SLC35F6: variants seen among roughly 807,000 people sequenced by gnomAD.
SLC35F6 encodes the protein ANT2-binding protein.
A neutral mutation model predicts 29.4 loss-of-function variants in SLC35F6; 26 were observed. The observed-to-expected ratio is 0.89, with a 90% CI of 0.65 to 1.23. The LOEUF (loss-of-function observed/expected upper bound fraction) is 1.23, where lower values mean the gene tolerates loss of function less well. SLC35F6 is among the 50% of genes most tolerant of loss of function. The pLI, the probability that SLC35F6 is intolerant of heterozygous loss-of-function variation, is 0.00. For missense variants in SLC35F6, 428 were observed against 487.8 expected (o/e 0.88, Z 1.15); for synonymous variants, 174 against 206.6 (o/e 0.84, Z 1.35).
intron 1 of SLC35F6, among the ~76,000 whole-genome samples, chr2:26,770,524 C>A (rs1042464564): frequency 3.9e-5 from 6 of 152,092 alleles, no homozygotes; most frequent in Non-Finnish European, 7.4e-5. Context: ...TCGAGACCAT[C>A]CTGGCCAACA....
intron 5 of SLC35F6, among the ~76,000 whole-genome samples, chr2:26,776,708 G>C (rs1283408000): frequency 6.6e-6 from 1 of 152,214 alleles, no homozygotes; most frequent in African/African-American, 2.4e-5. Context: ...GTGACCAGCA[G>C]GAAGAAAGGG....
In SLC35F6 at chr2:26,778,567, C is replaced by A; in HGVS notation, c.*56C>A. ...GTGCTCCTTCTCCCTGAGACTGAGG[C>A]CACACAGGCTGGTGGGCCCCGAATG... On this transcript the variant is annotated 3_prime_UTR_variant, in exon 6 of 6. Transcript: ENST00000344420. 2 of 1,474,064 alleles carry A rather than the reference C, an allele frequency of 1.4e-6. No homozygotes were observed. Among genetic ancestry groups the A allele is most frequent in the Admixed American group, 2.3e-5 (1 of 43,910 alleles). The allele number at this position is 1,474,064 out of a possible 1,614,324, so 91.3% of individuals were successfully genotyped here.
intron 1 of SLC35F6, chr2:26,764,978 T>C: frequency 1.0e-6 from 1 of 985,476 alleles, no homozygotes. Context: ...AAGTCGATTG[T>C]AACCAGCATC....
chr2:26,765,331 G>A (rs1396593419), intron 1 of SLC35F6, among the ~76,000 whole-genome samples: 2 of 149,364 alleles, frequency 1.3e-5, no homozygotes, highest in Non-Finnish European at 3.0e-5. Flanking sequence ...GTATGGGGGT[G>A]AGAGGGGGGA....
chr2:26,778,267 C>A lies in SLC35F6; in HGVS notation c.872C>A (p.Thr291Asn), dbSNP rs1301824868. 6.2e-7 allele frequency: 1 copy of A among 1,614,074 alleles called. No homozygotes were observed. The highest frequency in any genetic ancestry group is 1.3e-5 in the African/African-American group (1 of 74,920). Reference sequence around the variant, plus strand: ...GTCACCAAGGAACTGAGCGCCACCACCCGCATGGTGTTGGACAGCTTGCGC... The same window carrying A: ...GTCACCAAGGAACTGAGCGCCACCAACCGCATGGTGTTGGACAGCTTGCGC... ...ISVTKELSATTRMVLDSLRTV... is the reference protein window; with the variant it reads ...ISVTKELSATNRMVLDSLRTV... Residue 291 changes from threonine to asparagine, a missense_variant, in exon 6 of 6, where the codon ACC becomes AAC. Thr to Asn is a moderately conservative substitution (Grantham distance 65). Transcript: ENST00000344420.
chr2:26,777,157 C>T (rs1392731250), intron 5 of SLC35F6, among the ~76,000 whole-genome samples: 1 of 152,222 alleles, frequency 6.6e-6, no homozygotes, highest in Non-Finnish European at 1.5e-5. Context: ...CGAGATTGCG[C>T]CACCGCACTC....
chr2:26,780,498 T>A lies in SLC35F6; in HGVS notation c.*1987T>A, dbSNP rs557615046. ...TATCCTGGGCGTTGCGTTAAGTTGC[T>A]TAACTTTCATTCTGTCTTACGATAG... On this transcript the variant is annotated 3_prime_UTR_variant, in exon 6 of 6. Transcript: ENST00000344420. 6.6e-6 allele frequency: 1 copy of A among 152,226 alleles called. No homozygotes were observed. 9.4% of individuals were successfully genotyped at this position (152,226 alleles called of 1,614,324 possible).
At chr2:26,764,681 A>G (rs1664062474) in intron 1 of SLC35F6, 2 of 638,590 alleles carry the variant, frequency 3.1e-6, no homozygotes, top group Middle Eastern at 8.0e-4. Flanking sequence ...GTCTTTTAAC[A>G]GGAGGGTTGG....
At chr2:26,764,831 G>A (rs1204533143) in intron 1 of SLC35F6, 1 of 985,270 alleles carries the variant, frequency 1.0e-6, no homozygotes, top group Non-Finnish European at 1.2e-6. Context: ...GAGCGTGGAG[G>A]CCTCAAGCGG....
intron 1 of SLC35F6, chr2:26,764,952 C>T (rs1664070997): frequency 3.0e-6 from 3 of 985,418 alleles, no homozygotes; most frequent in South Asian, 9.4e-5. Context: ...GGAAAGTCTA[C>T]GGAAAGGCCA....
chr2:26,775,768 C>T lies in SLC35F6; in HGVS notation c.535+92C>T. The T allele has an allele frequency of 7.3e-7, 1 of 1,377,340 alleles. No individual in the cohort carries two copies. Among genetic ancestry groups the T allele is most frequent in the Non-Finnish European group, 9.6e-7 (1 of 1,036,790 alleles). 85.3% of individuals were successfully genotyped at this position (1,377,340 alleles called of 1,614,324 possible). A position where few individuals can be genotyped will look rare whatever the true frequency, so the allele number is the denominator to read the frequency against. ...GACTCATACAAGCTCTGCCATGTGC[C>T]ATATACCAAGCCCTGGGTGAGGTGG... On this transcript the variant is annotated intron_variant, in intron 4 of 5. Transcript: ENST00000344420. This position sits in a 1 kb window ranked among gnomAD's most constrained non-coding sequence, Gnocchi z 4.6.
At chr2:26,765,140 A>G (rs1664074733) in intron 1 of SLC35F6, 1 of 422,756 alleles carries the variant, frequency 2.4e-6, no homozygotes, top group African/African-American at 2.2e-5. Flanking sequence ...AGATGAGGGG[A>G]ACTAGGAGGT....
chr2:26,772,069 CT>C (rs1664206554), intron 1 of SLC35F6, among the ~76,000 whole-genome samples: 2 of 152,256 alleles, frequency 1.3e-5, no homozygotes, highest in Non-Finnish European at 2.9e-5. Context: ...AACTACCCCT[CT>C]TTCTCCACAT....
At position 26,778,656 on chromosome 2, in the gene SLC35F6, GAA is replaced by G; in HGVS notation, c.*146_*147del. On this transcript the variant is annotated 3_prime_UTR_variant, in exon 6 of 6. Coordinates refer to ENST00000344420, the MANE Select transcript of SLC35F6 (RefSeq NM_017877.4). ...AACCCCCAGGGCAGCTGCTGCCACA[GAA>G]GATAACAACACCCAAGTCCTCTTTT... The G allele has an allele frequency of 1.3e-6, 1 of 761,514 alleles. No homozygotes were observed. The highest frequency in any genetic ancestry group is 2.1e-6 in the Non-Finnish European group (1 of 487,082). The allele number at this position is 761,514 out of a possible 1,614,324, so 47.2% of individuals were successfully genotyped here. A position where few individuals can be genotyped will look rare whatever the true frequency, so the allele number is the denominator to read the frequency against.
intron 1 of SLC35F6, among the ~76,000 whole-genome samples, chr2:26,766,472 C>T (rs1408307751): frequency 1.3e-5 from 2 of 152,108 alleles, no homozygotes; most frequent in Non-Finnish European, 2.9e-5. Context: ...GTAGTGCGCA[C>T]CTGTAGTCCC....
chr2:26,768,364 CTTTTT>C (rs60323100), intron 1 of SLC35F6, among the ~76,000 whole-genome samples: 1 of 137,160 alleles, frequency 7.3e-6, no homozygotes, highest in Non-Finnish European at 1.6e-5. Context: ...GGAAGGTTTC[CTTTTT>C]TTTTTTTTTT....
intron 5 of SLC35F6, 71 bp from the exon 6 acceptor site, chr2:26,777,971 G>A (rs1237428195): frequency 3.5e-6 from 5 of 1,449,122 alleles, no homozygotes; most frequent in African/African-American, 2.8e-5. Flanking sequence ...GATCAGAGGA[G>A]GCTAAGCCGG....
At chr2:26,777,841 GA>G (rs1377012046) in intron 5 of SLC35F6, among the ~76,000 whole-genome samples, 200 bp from the exon 6 acceptor site, 3 of 152,036 alleles carry the variant, frequency 2.0e-5, no homozygotes, top group African/African-American at 7.3e-5. Flanking sequence ...AAAAAACCCT[GA>G]GTAAAAGTGG....
At chr2:26,774,381 C>G in intron 2 of SLC35F6, 58 bp downstream of exon 2, 2 of 1,593,990 alleles carry the variant, frequency 1.3e-6, no homozygotes, top group Non-Finnish European at 8.6e-7. Context: ...AGGCGCCACC[C>G]CCGGCCATGA....
Sources: gnomAD v4.1 joint callset for allele counts (sites outside exome capture counted in the v4.1 genomes callset) on GRCh38, gnomAD v4.1.1 for gene constraint, Gnocchi (gnomAD v3.1) non-coding constraint, MANE v1.5 for transcripts, NCBI Gene and HGNC (gene_info 2026-07-23, HGNC 2026-07-21) for gene names.